The following ERC1 variants were observed in gnomAD, a reference collection of about 807,000 sequenced individuals.
ERC1 encodes the protein RAB6 interacting protein 2.
In ERC1, 56 loss-of-function variants were observed where a neutral mutation model predicts 132.0. The ratio of observed to expected loss-of-function variants is 0.42; its 90% CI spans 0.34 to 0.53. The LOEUF is 0.53. Ranked by LOEUF, ERC1 falls within the 20% of genes least tolerant of loss-of-function variation. The pLI is 0.03. For missense variants in ERC1, 1,202 were observed against 1,349.9 expected (o/e 0.89, Z 1.72); for synonymous variants, 478 against 476.1 (o/e 1.00, Z -0.05).
intron 18 of ERC1, among the ~76,000 whole-genome samples, chr12:1,464,943 G>A (rs759117551): frequency 1.6e-4 from 25 of 151,986 alleles, no homozygotes; most frequent in Non-Finnish European, 3.4e-4. Context: ...TTTATAAAAA[G>A]CTCAGCATTT....
At chr12:1,147,372 C>A (rs1427098624) in intron 8 of ERC1, among the ~76,000 whole-genome samples, 2 of 152,066 alleles carry the variant, frequency 1.3e-5, no homozygotes, top group Non-Finnish European at 2.9e-5. Context: ...TTGAGATGAT[C>A]ATCTGATTTT....
At chr12:1,254,523 A>T (rs921277339) in intron 13 of ERC1, among the ~76,000 whole-genome samples, 1 of 151,638 alleles carries the variant, frequency 6.6e-6, no homozygotes, top group Non-Finnish European at 1.5e-5. Context: ...TATTTTATAT[A>T]TTTTTTTGAG....
At chr12:1,148,824 A>G (rs1243102673) in intron 8 of ERC1, among the ~76,000 whole-genome samples, 1 of 152,042 alleles carries the variant, frequency 6.6e-6, no homozygotes, top group African/African-American at 2.4e-5. Context: ...CTGGTCTCAA[A>G]CTTCTGACCT....
intron 18 of ERC1, among the ~76,000 whole-genome samples, chr12:1,478,947 T>C (rs1165455835): frequency 6.6e-5 from 10 of 152,234 alleles, no homozygotes; most frequent in Admixed American, 6.5e-4. Context: ...TTGTAAATGC[T>C]TTATTGTTTT....
intron 16 of ERC1, among the ~76,000 whole-genome samples, chr12:1,404,761 A>G (rs951337782): frequency 6.6e-6 from 1 of 152,198 alleles, no homozygotes; most frequent in African/African-American, 2.4e-5. Flanking sequence ...AATCTCATTC[A>G]TGAGGGTTCC....
chr12:1,436,210 T>C (rs1366350235), intron 17 of ERC1, among the ~76,000 whole-genome samples: 1 of 152,020 alleles, frequency 6.6e-6, no homozygotes, highest in Non-Finnish European at 1.5e-5. Flanking sequence ...ATCCTGACCT[T>C]GAAATAGCTA....
At chr12:1,297,013 T>A (rs2080004833) in intron 15 of ERC1, among the ~76,000 whole-genome samples, 1 of 151,674 alleles carries the variant, frequency 6.6e-6, no homozygotes, top group Non-Finnish European at 1.5e-5. Context: ...CCAAGCAGGA[T>A]AAATACAAAA....
intron 12 of ERC1, among the ~76,000 whole-genome samples, chr12:1,195,719 G>C (rs889156975): frequency 6.6e-6 from 1 of 152,212 alleles, no homozygotes; most frequent in African/African-American, 2.4e-5. Context: ...CAGCAAAGCA[G>C]AGTTGGAACT....
intron 3 of ERC1, among the ~76,000 whole-genome samples, chr12:1,101,290 C>T (rs901638049): frequency 2.6e-5 from 4 of 152,026 alleles, no homozygotes; most frequent in African/African-American, 4.8e-5. Context: ...AACTGGGCTC[C>T]GAAGTTATAT....
At chr12:1,238,574 T>G (rs1048359743) in intron 13 of ERC1, among the ~76,000 whole-genome samples, 98 of 152,198 alleles carry the variant, frequency 6.4e-4, no homozygotes, top group Non-Finnish European at 9.4e-4. Context: ...AGTCTGTTTC[T>G]AGGATTTCAG....
chr12:1,352,381 A>C (rs2085081194), intron 15 of ERC1, among the ~76,000 whole-genome samples: 2 of 152,236 alleles, frequency 1.3e-5, no homozygotes, highest in Admixed American at 1.3e-4. Flanking sequence ...TGGGAAAGGC[A>C]GCATGTATTG....
chr12:1,220,848 T>G (rs971378851), intron 12 of ERC1, among the ~76,000 whole-genome samples: 3 of 152,230 alleles, frequency 2.0e-5, no homozygotes, highest in African/African-American at 7.2e-5. Flanking sequence ...ATTAGTGGCC[T>G]GCTGCATCTG....
chr12:1,461,065 T>C (rs1157226392), intron 18 of ERC1, among the ~76,000 whole-genome samples: 2 of 144,914 alleles, frequency 1.4e-5, no homozygotes, highest in African/African-American at 5.1e-5. Context: ...AGGGAACAGC[T>C]GTCTGACTAT....
chr12:1,465,411 G>A (rs2093724259), intron 18 of ERC1, among the ~76,000 whole-genome samples: 1 of 152,204 alleles, frequency 6.6e-6, no homozygotes, highest in African/African-American at 2.4e-5. Context: ...TACAAGTAAC[G>A]TAAATTTCTT....
At chr12:1,164,220 A>C (rs553229446) in intron 8 of ERC1, among the ~76,000 whole-genome samples, 1 of 130,054 alleles carries the variant, frequency 7.7e-6, no homozygotes, top group South Asian at 2.2e-4. Flanking sequence ...TAGTAGTCAC[A>C]GAACCTGCCC....
rs112487070 is a variant in ERC1, at chr12:1,281,246, G to C, written c.2620-8606G>C. ...GAGATGATCAGATTATTTAAACTAA[G>C]AAGGAAATTTCTTTCCAAAACCTGG... On this transcript the variant is annotated intron_variant, in intron 14 of 18. Transcript: ENST00000360905. 5.1e-3 allele frequency among the ~76,000 whole-genome samples: 775 copies of C among 152,052 alleles called. 10 individuals carry two copies. Among genetic ancestry groups the C allele is most frequent in the African/African-American group, 0.018 (731 of 41,490 alleles).
intron 13 of ERC1, among the ~76,000 whole-genome samples, chr12:1,240,527 G>A (rs1285651287): frequency 1.3e-5 from 2 of 152,144 alleles, no homozygotes; most frequent in African/African-American, 4.8e-5. Flanking sequence ...CGTAGCCCTG[G>A]AGTGGAGCCT....
At chr12:1,032,267 T>G (rs1968183975) in intron 2 of ERC1, among the ~76,000 whole-genome samples, 1 of 152,142 alleles carries the variant, frequency 6.6e-6, no homozygotes, top group East Asian at 1.9e-4. Flanking sequence ...GCCAGGCTGG[T>G]CTTGAACTCC....
At chr12:1,484,889 T>C (rs536080153) in intron 18 of ERC1, among the ~76,000 whole-genome samples, 1 of 120,064 alleles carries the variant, frequency 8.3e-6, no homozygotes, top group East Asian at 2.1e-4. Flanking sequence ...GGTCTTGTTT[T>C]TCTTTTTTTG....
Sources: gnomAD v4.1 joint callset for allele counts (sites outside exome capture counted in the v4.1 genomes callset) on GRCh38, gnomAD v4.1.1 for gene constraint, MANE v1.5 for transcripts, NCBI Gene and HGNC (gene_info 2026-07-23, HGNC 2026-07-21) for gene names.